Variants in SLC44A3 observed in about 807,000 individuals in gnomAD.
SLC44A3 encodes the protein choline transporter-like protein 3.
A neutral mutation model predicts 75.4 loss-of-function variants in SLC44A3; 74 were observed. The ratio of observed to expected loss-of-function variants is 0.98; its 90% confidence interval spans 0.81 to 1.19. SLC44A3 has a LOEUF of 1.19. SLC44A3 is among the 50% of genes most tolerant of loss of function. The pLI is 0.00. For synonymous variants in SLC44A3, 310 were observed against 296.9 expected, an observed-to-expected ratio of 1.04 and a Z score of -0.45; for missense variants, 700 against 778.6, an observed-to-expected ratio of 0.90 and a Z score of 1.20.
At chr1:94,837,570 G>A in intron 5 of SLC44A3, 141 bp from the exon 6 acceptor site, 1 of 667,410 alleles carries the variant, frequency 1.5e-6, no homozygotes, top group South Asian at 3.0e-5. Flanking sequence ...TTTCTAAGGT[G>A]TGCTCTGCAA....
intron 12 of SLC44A3, among the ~76,000 whole-genome samples, chr1:94,876,213 A>G (rs533109039): frequency 7.5e-4 from 114 of 152,346 alleles, no homozygotes; most frequent in African/African-American, 2.7e-3. Context: ...AGTTGTTAAC[A>G]TTACTCCCAG....
intron 5 of SLC44A3, among the ~76,000 whole-genome samples, chr1:94,830,276 G>A (rs761764621): frequency 2.0e-5 from 3 of 152,066 alleles, no homozygotes; most frequent in Admixed American, 1.3e-4. Flanking sequence ...GCAGTGGTGC[G>A]ATCTCAGCTC....
intron 12 of SLC44A3, chr1:94,888,535 C>A: frequency 3.2e-6 from 1 of 310,076 alleles, no homozygotes; most frequent in Non-Finnish European, 4.7e-6. Flanking sequence ...AGACTCAGGC[C>A]CCCAAACTGG....
chr1:94,852,815 C>T (rs981162907), intron 9 of SLC44A3, among the ~76,000 whole-genome samples: 1 of 152,116 alleles, frequency 6.6e-6, no homozygotes, highest in Non-Finnish European at 1.5e-5. Context: ...GGATTTTGGC[C>T]TGAGCAACTG....
At chr1:94,854,667 G>GC (rs1665634869) in intron 9 of SLC44A3, among the ~76,000 whole-genome samples, 1 of 152,154 alleles carries the variant, frequency 6.6e-6, no homozygotes, top group Non-Finnish European at 1.5e-5. Flanking sequence ...CCCGGCTTTC[G>GC]CCCTGAAGCC....
chr1:94,857,682 C>T (rs574323514), intron 10 of SLC44A3, among the ~76,000 whole-genome samples, 182 bp downstream of exon 10: 1 of 152,164 alleles, frequency 6.6e-6, no homozygotes, highest in Non-Finnish European at 1.5e-5. Flanking sequence ...AATATTACAC[C>T]CTAAATCTGT....
At chr1:94,892,167 T>C (rs1357832067) in intron 13 of SLC44A3, 114 bp from the exon 14 acceptor site, 1 of 940,652 alleles carries the variant, frequency 1.1e-6, no homozygotes, top group South Asian at 1.6e-5. Context: ...TTCTTTACAA[T>C]AGTGCACACA....
At chr1:94,888,235 G>A (rs1669817535) in intron 12 of SLC44A3, among the ~76,000 whole-genome samples, 1 of 152,170 alleles carries the variant, frequency 6.6e-6, no homozygotes, top group Non-Finnish European at 1.5e-5. Flanking sequence ...CTTTTAAATA[G>A]CAATTTTTCC....
intron 5 of SLC44A3, among the ~76,000 whole-genome samples, chr1:94,832,552 A>G: frequency 6.6e-6 from 1 of 152,200 alleles, no homozygotes; most frequent in East Asian, 1.9e-4. Flanking sequence ...AAATTTATTC[A>G]GTGGGACTAG....
intron 2 of SLC44A3, among the ~76,000 whole-genome samples, chr1:94,821,547 G>T (rs1447549668): frequency 6.6e-6 from 1 of 152,186 alleles, no homozygotes; most frequent in Non-Finnish European, 1.5e-5. Context: ...AGCTAACAAG[G>T]AATGATTTTT....
At chr1:94,827,718 C>T in intron 4 of SLC44A3, 75 bp downstream of exon 4, 1 of 1,518,518 alleles carries the variant, frequency 6.6e-7, no homozygotes, top group East Asian at 2.3e-5. Context: ...GATCATTTAC[C>T]CTGACTCTGC....
intron 9 of SLC44A3, among the ~76,000 whole-genome samples, chr1:94,854,018 C>T (rs1665545752): frequency 6.6e-6 from 1 of 152,144 alleles, no homozygotes; most frequent in Admixed American, 6.5e-5. Context: ...GTGTGGCACT[C>T]ACTGTAGCTG....
chr1:94,848,024 C>T (rs371602725), intron 9 of SLC44A3, among the ~76,000 whole-genome samples: 25 of 152,182 alleles, frequency 1.6e-4, no homozygotes, highest in East Asian at 9.7e-4. Flanking sequence ...GTCATGAGAT[C>T]GAGACCATCC....
chr1:94,892,694 C>T (rs116840321), intron 14 of SLC44A3, among the ~76,000 whole-genome samples, 177 bp downstream of exon 14: 1,644 of 152,262 alleles, frequency 0.011, 25 homozygotes, highest in African/African-American at 0.038. Context: ...AGGCTGAACC[C>T]ACCTCCCTTT....
chr1:94,871,457 G>A (rs1281721309), intron 12 of SLC44A3, among the ~76,000 whole-genome samples: 2 of 152,128 alleles, frequency 1.3e-5, no homozygotes, highest in African/African-American at 4.8e-5. Context: ...ACTTTCCAGG[G>A]GCCTGGCTAA....
At chr1:94,855,368 G>A (rs954067565) in intron 9 of SLC44A3, 1 of 152,270 alleles carries the variant, frequency 6.6e-6, no homozygotes, top group African/African-American at 2.4e-5. Flanking sequence ...GCTGGGCCTT[G>A]TAGGAGGAGC....
chr1:94,887,541 A>G (rs1199002579), intron 12 of SLC44A3, among the ~76,000 whole-genome samples: 1 of 152,234 alleles, frequency 6.6e-6, no homozygotes, highest in Non-Finnish European at 1.5e-5. Context: ...CAACACATGC[A>G]TGAGAAAGTA....
At chr1:94,865,028 C>T (rs1303970074) in intron 11 of SLC44A3, 129 bp downstream of exon 11, 24 of 852,426 alleles carry the variant, frequency 2.8e-5, no homozygotes, top group Non-Finnish European at 3.9e-5. Context: ...AAAGCTCCTG[C>T]ACTCCTCAGC....
In SLC44A3 at chr1:94,864,801, T is replaced by C. The variant is rs1447276837; in HGVS notation, c.1297T>C (p.Tyr433His). 6.2e-7 allele frequency: 1 copy of C among 1,614,074 alleles called. No homozygotes were observed. Among genetic ancestry groups the C allele is most frequent in the Admixed American group, 1.7e-5 (1 of 60,020 alleles). Residue 433 changes from tyrosine (Y) to histidine (H), a missense_variant, in exon 11 of 15, where the codon TAC becomes CAC. Physicochemically the swap from Tyr to His is moderately conservative, Grantham distance 83 (BLOSUM62 2). Transcript: ENST00000271227. ...TTCGTCTCTCTCCATTCTCTTCTTC[T>C]ACCATCAAGGAACCGTTGTGAAAGG... Reference protein sequence around the residue: ...ILSSLSILFFYHQGTVVKGSF... With the variant: ...ILSSLSILFFHHQGTVVKGSF...
Sources: gnomAD v4.1 joint callset for allele counts (sites outside exome capture counted in the v4.1 genomes callset) on GRCh38, gnomAD v4.1.1 for gene constraint, MANE v1.5 for transcripts, NCBI Gene and HGNC (gene_info 2026-07-23, HGNC 2026-07-21) for gene names.